SP2: variants seen among roughly 807,000 people sequenced by gnomAD.
SP2 encodes transcription factor Sp2.
Under a neutral mutation model 50.1 loss-of-function variants are expected in SP2, and 9 were observed. The ratio of observed to expected loss-of-function variants is 0.18; its 90% CI spans 0.11 to 0.31. The LOEUF is 0.31. Ranked by LOEUF, SP2 falls within the 10% of genes least tolerant of loss-of-function variation. SP2 has a pLI of 1.00. For synonymous variants in SP2, 313 were observed against 326.6 expected, an observed-to-expected ratio of 0.96 and a Z score of 0.45; for missense variants, 581 against 806.5, an observed-to-expected ratio of 0.72 and a Z score of 3.39.
intron 5 of SP2, 52 bp from the exon 6 acceptor site, chr17:47,925,296 C>T (rs2035602354): frequency 1.9e-6 from 3 of 1,546,484 alleles, no homozygotes; most frequent in East Asian, 2.3e-5. Flanking sequence ...TCCTCTACCG[C>T]TTTTCTCTCC....
rs543143136 is a variant in SP2, at chr17:47,900,493, T to A, written c.7+4200T>A. 4 of 152,360 alleles carry A rather than the reference T, an allele frequency of 2.6e-5. No homozygotes were observed. In the South Asian group the frequency reaches 8.3e-4, roughly 32 times the overall value. The allele number at this position is 152,360 out of a possible 1,614,324, so 9.4% of individuals were successfully genotyped here. ...CTCATTTCAGAAGCTGATTCTGGCC[T>A]GGGGCCGGGCTGGGTGATCACGCCT... On this transcript the variant is annotated intron_variant, in intron 1 of 6. Transcript: ENST00000376741.
At chr17:47,914,562 A>ACCT (rs1160832344) in intron 1 of SP2, among the ~76,000 whole-genome samples, 1 of 152,138 alleles carries the variant, frequency 6.6e-6, no homozygotes, top group Non-Finnish European at 1.5e-5. Flanking sequence ...AGTGAACAGG[A>ACCT]GGCTTGAGTT....
At chr17:47,923,932 C>T (rs2035556317) in intron 4 of SP2, among the ~76,000 whole-genome samples, 2 of 151,626 alleles carry the variant, frequency 1.3e-5, no homozygotes, top group Non-Finnish European at 2.9e-5. Flanking sequence ...GAACTCCTGA[C>T]CTGGTGATCC....
At chr17:47,919,825 CTTTTT>C (rs141856390) in intron 3 of SP2, among the ~76,000 whole-genome samples, 8 of 94,802 alleles carry the variant, frequency 8.4e-5, no homozygotes, top group South Asian at 3.9e-4. Context: ...TTTGTCATTC[CTTTTT>C]TTTTTTTTTT....
chr17:47,911,687 T>TC (rs1335725669), intron 1 of SP2, among the ~76,000 whole-genome samples: 1 of 151,270 alleles, frequency 6.6e-6, no homozygotes, highest in Admixed American at 6.6e-5. Flanking sequence ...GCATCTGTAG[T>TC]CCCACTACTT....
At chr17:47,906,898 T>C (rs886447780) in intron 1 of SP2, among the ~76,000 whole-genome samples, 1 of 151,568 alleles carries the variant, frequency 6.6e-6, no homozygotes, top group African/African-American at 2.4e-5. Context: ...GCCGTGCGAG[T>C]AGGCATGGTC....
chr17:47,923,257 C>G lies in SP2; in HGVS notation c.1355C>G (p.Thr452Ser). Residue 452 changes from threonine (T) to serine (S), a missense_variant, in exon 4 of 7, where the codon ACC (threonine) becomes AGC (serine). Physicochemically the swap from Thr to Ser is moderately conservative, Grantham distance 58. Around this residue, in one of 2 missense-constraint regions of SP2, gnomAD observed 184 missense variants for 315.5 expected, o/e 0.58. Transcript: ENST00000376741. Reference sequence around the variant, plus strand: ...GTCCAGGTCCAGGGCGTGCCTGTCACCATCACCAACACAGGCGGTGAGGAT... The same window carrying G: ...GTCCAGGTCCAGGGCGTGCCTGTCAGCATCACCAACACAGGCGGTGAGGAT... ...NGVQVQGVPV[T>S]ITNTGGQQQL... 1 of 1,603,906 alleles carries G rather than the reference C, an allele frequency of 6.2e-7. No individual in the cohort carries two copies. The highest frequency in any genetic ancestry group is 8.5e-7 in the Non-Finnish European group (1 of 1,178,946).
intron 3 of SP2, among the ~76,000 whole-genome samples, chr17:47,919,981 C>T (rs1452262198): frequency 3.3e-5 from 5 of 149,752 alleles, no homozygotes; most frequent in African/African-American, 7.4e-5. Context: ...GGATTACAGG[C>T]GCGTGCCACC....
chr17:47,921,829 C>T (rs2035469447), intron 3 of SP2, among the ~76,000 whole-genome samples: 1 of 152,188 alleles, frequency 6.6e-6, no homozygotes, highest in African/African-American at 2.4e-5. Flanking sequence ...TAGGTAAGCT[C>T]ATTGCTACTG....
chr17:47,921,841 G>T (rs1217369121), intron 3 of SP2, among the ~76,000 whole-genome samples: 1 of 152,160 alleles, frequency 6.6e-6, no homozygotes, highest in Non-Finnish European at 1.5e-5. Context: ...TTGCTACTGG[G>T]CATGGCTGGT....
At chr17:47,901,946 A>G (rs2034558916) in intron 1 of SP2, among the ~76,000 whole-genome samples, 1 of 152,186 alleles carries the variant, frequency 6.6e-6, no homozygotes, top group South Asian at 2.1e-4. Context: ...TGCCTTTAGG[A>G]AGCTTACATC....
intron 3 of SP2, among the ~76,000 whole-genome samples, chr17:47,919,946 C>T (rs1347125033): frequency 6.7e-6 from 1 of 149,438 alleles, no homozygotes; most frequent in African/African-American, 2.5e-5. Context: ...AAGCGATTCT[C>T]CTGTTTCAGC....
chr17:47,916,116 CCT>C lies in SP2; in HGVS notation c.85-39_85-38del, dbSNP rs1466689369. 1 of 1,560,928 alleles carries C rather than the reference CCT, an allele frequency of 6.4e-7. No homozygotes were observed. The highest frequency in any genetic ancestry group is 1.4e-5 in the African/African-American group (1 of 73,812). On this transcript the variant is annotated intron_variant, in intron 2 of 6. Coordinates refer to ENST00000376741, the MANE Select transcript of SP2 (RefSeq NM_003110.6). This position sits in a 1 kb window ranked among gnomAD's most constrained non-coding sequence, Gnocchi z 4.7. The stretch of plus-strand genomic sequence containing the variant: ...TGGACAGAGGCGGCCGGGCAGCGGG[CCT>C]TCCTGTCTCACTCCTTTTCTCTGCT...
In SP2 at chr17:47,927,944, C is replaced by A; in HGVS notation, c.*120C>A. ...TGCCCTCAGCCCCACTCCTGTTCTG[C>A]AACTGTCCCCACAGGAAGGGGCTCT... On this transcript the variant is annotated 3_prime_UTR_variant, in exon 7 of 7. Coordinates refer to ENST00000376741, the MANE Select transcript of SP2 (RefSeq NM_003110.6). 1.5e-6 allele frequency: 1 copy of A among 658,746 alleles called. No individual in the cohort carries two copies. The highest frequency in any genetic ancestry group is 2.3e-5 in the Admixed American group (1 of 42,562). 40.8% of individuals were successfully genotyped at this position (658,746 alleles called of 1,614,324 possible).
intron 4 of SP2, 40 bp downstream of exon 4, chr17:47,923,314 C>G: frequency 6.5e-7 from 1 of 1,527,448 alleles, no homozygotes; most frequent in Non-Finnish European, 8.9e-7. Context: ...GGCAGTGGTA[C>G]CTGCTCCTAG....
At position 47,925,061 on chromosome 17, in the gene SP2, C is replaced by T. The variant is rs1464019548; in HGVS notation, c.1515C>T (p.Cys505=). ...QPGEKRRRMA[C]TCPNCKDGEK... ...GGGAGAAGCGGCGCCGCATGGCCTGCACGTGTCCCAACTGCAAGGATGGGG... is the reference window on the plus strand; with the variant it reads ...GGGAGAAGCGGCGCCGCATGGCCTGTACGTGTCCCAACTGCAAGGATGGGG... The change falls in exon 5 of 7, where the codon TGC becomes TGT. Residue 505 remains cysteine, a synonymous_variant. Transcript: ENST00000376741. 2 of 1,613,208 alleles carry T rather than the reference C, an allele frequency of 1.2e-6. No homozygotes were observed.
At chr17:47,907,123 C>T (rs1010002987) in intron 1 of SP2, among the ~76,000 whole-genome samples, 3 of 151,890 alleles carry the variant, frequency 2.0e-5, no homozygotes, top group East Asian at 1.9e-4. Context: ...GCAGCATGAG[C>T]GCAGTGCCAG....
chr17:47,904,741 TG>T (rs1408493198), intron 1 of SP2, among the ~76,000 whole-genome samples: 1 of 152,152 alleles, frequency 6.6e-6, no homozygotes, highest in Non-Finnish European at 1.5e-5. Flanking sequence ...TCTTTTACCA[TG>T]GTTTTAATTT....
Position 47,916,673 on chromosome 17 carries a change from T to C in SP2, c.602T>C (p.Val201Ala). The change falls in exon 3 of 7, where the codon GTG becomes GCG. Residue 201 changes from valine to alanine, a missense_variant. Physicochemically the swap from Val to Ala is moderately conservative, Grantham distance 64. This residue lies in a region of SP2 where 397 missense variants were observed against 491.0 expected (regional missense o/e 0.81). Coordinates refer to ENST00000376741, the MANE Select transcript of SP2 (RefSeq NM_003110.6). This position sits in a 1 kb window ranked among gnomAD's most constrained non-coding sequence, Gnocchi z 4.7. ...CCCGTGCAGAGCGGGGCCAATGTGG[T>C]GAAGCTGACAGGTGGGGGCGGCAAT... ...TTPVQSGANV[V>A]KLTGGGGNVT... is the part of the protein sequence containing the mutation. The C allele has an allele frequency of 6.2e-7, 1 of 1,613,620 alleles. No homozygotes were observed. Among genetic ancestry groups the C allele is most frequent in the Non-Finnish European group, 8.5e-7 (1 of 1,179,748 alleles).
Sources: allele counts gnomAD v4.1 joint callset (sites outside exome capture counted in the v4.1 genomes callset), GRCh38; gene constraint gnomAD v4.1.1; regional missense constraint gnomAD v4.1.1; non-coding constraint Gnocchi (gnomAD v3.1); transcripts MANE v1.5; gene names NCBI Gene and HGNC (gene_info 2026-07-23, HGNC 2026-07-21).